STK3: variants seen among roughly 807,000 people sequenced by gnomAD.
The protein encoded by STK3 is serine/threonine-protein kinase 3.
Under a neutral mutation model 58.0 loss-of-function variants are expected in STK3, and 41 were observed. The ratio of observed to expected loss-of-function variants is 0.71; its 90% CI spans 0.55 to 0.92. The LOEUF (loss-of-function observed/expected upper bound fraction) is 0.92. Among genes scored for constraint, STK3 ranks in the 40% least tolerant of loss-of-function variants. The pLI is 0.00. For missense variants in STK3, 479 were observed against 602.7 expected (o/e 0.79, Z 2.15); for synonymous variants, 170 against 191.0 (o/e 0.89, Z 0.91).
rs918266286 is a variant in STK3 at position 98,472,935 on chromosome 8, G to A, written c.1318-16935C>T. Among the ~76,000 whole-genome samples, 4 of 152,130 alleles carry A rather than the reference G, an allele frequency of 2.6e-5. No homozygotes were observed. In the South Asian group the frequency reaches 6.2e-4, roughly 24 times the overall value. ...GATCATAAAATCCAGAATTAGGAGC[G>A]AAATGGTCCAAAAATTATGAGATTA... On this transcript the variant is annotated intron_variant, in intron 10 of 10. Coordinates refer to ENST00000419617, the MANE Select transcript of STK3 (RefSeq NM_006281.4).
At chr8:98,652,225 C>G (rs1563849337) in intron 6 of STK3, among the ~76,000 whole-genome samples, 2 of 152,252 alleles carry the variant, frequency 1.3e-5, no homozygotes, top group East Asian at 3.9e-4. Context: ...CATATCCAGC[C>G]AAACTAAGCT....
intron 6 of STK3, among the ~76,000 whole-genome samples, chr8:98,664,450 C>T (rs2130804686): frequency 6.6e-6 from 1 of 152,222 alleles, no homozygotes; most frequent in African/African-American, 2.4e-5. Context: ...GAATTGTTTG[C>T]TAAGCTTGAA....
intron 4 of STK3, among the ~76,000 whole-genome samples, chr8:98,741,633 A>G (rs1829220949): frequency 6.6e-6 from 1 of 152,210 alleles, no homozygotes; most frequent in Admixed American, 6.5e-5. Flanking sequence ...AATGCCCACA[A>G]GAGAAAGCAG....
chr8:98,478,369 C>T (rs941265839), intron 10 of STK3, among the ~76,000 whole-genome samples: 1 of 152,084 alleles, frequency 6.6e-6, no homozygotes, highest in Admixed American at 6.5e-5. Context: ...AGAAGGGTTT[C>T]CCCTACCTAA....
Position 98,377,169 on chromosome 8 carries a change from T to A in STK3, n.111+1984A>T, listed in dbSNP as rs187860805. 3.7e-3 allele frequency among the ~76,000 whole-genome samples: 558 copies of A among 152,306 alleles called. 2 individuals are homozygous for A. The highest frequency in any genetic ancestry group is 5.5e-3 in the Non-Finnish European group (372 of 68,014). On this transcript the variant is annotated intron_variant and non_coding_transcript_variant, in intron 2 of 2. Transcript: ENST00000518704. ...ACACAGCAATCAATTCCCCTTAACC[T>A]TATCTACCTTCCCTCCCAGCACCTC...
intron 9 of STK3, among the ~76,000 whole-genome samples, chr8:98,537,512 T>C (rs1809869033): frequency 1.3e-5 from 2 of 152,062 alleles, no homozygotes; most frequent in Non-Finnish European, 2.9e-5. Context: ...AATACTAGGC[T>C]CTTCAATGAG....
chr8:98,854,741 A>C (rs1490312391), intron 3 of STK3, among the ~76,000 whole-genome samples: 3 of 152,280 alleles, frequency 2.0e-5, no homozygotes, highest in South Asian at 4.1e-4. Context: ...GGATCAAAAG[A>C]CTTAACATTG....
At chr8:98,578,471 A>T (rs1813588346) in intron 8 of STK3, among the ~76,000 whole-genome samples, 1 of 152,236 alleles carries the variant, frequency 6.6e-6, no homozygotes, top group South Asian at 2.1e-4. Context: ...AAAGAACATG[A>T]TTATAAATCA....
intron 4 of STK3, among the ~76,000 whole-genome samples, chr8:98,740,800 A>T (rs1174894637): frequency 6.6e-6 from 1 of 152,240 alleles, no homozygotes; most frequent in Non-Finnish European, 1.5e-5. Flanking sequence ...ACAGACTGGC[A>T]AATTGGATAA....
intron 1 of STK3, among the ~76,000 whole-genome samples, chr8:98,384,339 C>T (rs2131004849): frequency 6.6e-6 from 1 of 152,334 alleles, no homozygotes; most frequent in Middle Eastern, 3.4e-3. Flanking sequence ...GCTGCTTGTC[C>T]CAGCCTGCTT....
intron 6 of STK3, among the ~76,000 whole-genome samples, chr8:98,629,569 A>T (rs1168185930): frequency 6.6e-6 from 1 of 152,202 alleles, no homozygotes; most frequent in African/African-American, 2.4e-5. Flanking sequence ...ACTGATTCGA[A>T]AATAAATGCT....
intron 3 of STK3, among the ~76,000 whole-genome samples, chr8:98,843,192 T>C (rs1836064884): frequency 6.6e-6 from 1 of 152,026 alleles, no homozygotes; most frequent in Non-Finnish European, 1.5e-5. Flanking sequence ...ATGAAACAGG[T>C]GACTTTTTGG....
At chr8:98,372,448 C>T (rs1817620336) in intron 2 of STK3, among the ~76,000 whole-genome samples, 1 of 152,176 alleles carries the variant, frequency 6.6e-6, no homozygotes, top group East Asian at 1.9e-4. Context: ...TGTGAGACGA[C>T]GCAGACTTCA....
intron 8 of STK3, among the ~76,000 whole-genome samples, chr8:98,550,242 G>T (rs750908760): frequency 6.6e-6 from 1 of 152,042 alleles, no homozygotes; most frequent in Non-Finnish European, 1.5e-5. Flanking sequence ...TACATGCTAA[G>T]CTTGGGCATT....
Position 98,869,071 on chromosome 8 carries a change from G to GA in STK3, c.110+14575dup, listed in dbSNP as rs1564072406. ...GGAAGGAAGGAAGGAAGGAAGGAAG[G>GA]AAGGAAGGAAGGAGAGAAAGAGAAA... On this transcript the variant is annotated intron_variant, in intron 3 of 12. Coordinates refer to the STK3 transcript ENST00000523601. Among the ~76,000 whole-genome samples, 12 of 149,646 alleles carry GA rather than the reference G, an allele frequency of 8.0e-5. 1 individual carries two copies. Among genetic ancestry groups the GA allele is most frequent in the African/African-American group, 3.0e-4 (12 of 40,156 alleles).
intron 10 of STK3, among the ~76,000 whole-genome samples, chr8:98,502,572 C>T (rs1048810055): frequency 2.6e-5 from 4 of 152,082 alleles, no homozygotes; most frequent in Admixed American, 1.3e-4. Flanking sequence ...TTTTGAGATA[C>T]GTCCCATCAA....
intron 6 of STK3, among the ~76,000 whole-genome samples, chr8:98,702,490 A>G (rs1316587336): frequency 1.3e-5 from 2 of 152,214 alleles, no homozygotes; most frequent in African/African-American, 4.8e-5. Flanking sequence ...TGGCCACTTA[A>G]GGAGAAGCAA....
chr8:98,693,965 C>T (rs1194614176), intron 6 of STK3, among the ~76,000 whole-genome samples: 1 of 151,980 alleles, frequency 6.6e-6, no homozygotes, highest in Non-Finnish European at 1.5e-5. Context: ...TGGACATAAC[C>T]ACATTTTTTG....
At chr8:98,832,684 G>T (rs1167291871) in intron 3 of STK3, among the ~76,000 whole-genome samples, 1 of 151,974 alleles carries the variant, frequency 6.6e-6, no homozygotes, top group East Asian at 1.9e-4. Context: ...TTTCTCTGGG[G>T]TCCCCTTGGC....
Sources: gnomAD v4.1 joint callset for allele counts (sites outside exome capture counted in the v4.1 genomes callset) on GRCh38, gnomAD v4.1.1 for gene constraint, MANE v1.5 for transcripts, NCBI Gene and HGNC (gene_info 2026-07-23, HGNC 2026-07-21) for gene names.